The following MYRFL variants were observed in gnomAD, a reference collection of about 807,000 sequenced individuals.
MYRFL encodes the protein myelin regulatory factor like, also known as myelin regulatory factor-like protein.
In MYRFL, 88 loss-of-function variants were observed where a neutral mutation model predicts 109.4. That is an observed-to-expected ratio of 0.80 (90% CI 0.68 to 0.96). The LOEUF (loss-of-function observed/expected upper bound fraction) is 0.96, where lower values mean the gene tolerates loss of function less well. Ranked by LOEUF, MYRFL falls within the 40% of genes least tolerant of loss-of-function variation. The probability of loss-of-function intolerance (pLI) is 0.00; values close to 1 mark genes in which losing one functional copy is unlikely to be tolerated. For synonymous variants in MYRFL, 324 were observed against 320.9 expected, an observed-to-expected ratio of 1.01 and a Z score of -0.10; for missense variants, 957 against 954.9, an observed-to-expected ratio of 1.00 and a Z score of -0.03.
intron 1 of MYRFL, among the ~76,000 whole-genome samples, chr12:69,846,724 G>T (rs1186457815): frequency 6.6e-6 from 1 of 152,032 alleles, no homozygotes; most frequent in African/African-American, 2.4e-5. Flanking sequence ...GTAATGGGAT[G>T]GCTGGGTCAA....
intron 11 of MYRFL, among the ~76,000 whole-genome samples, chr12:69,908,649 C>T (rs1954456361): frequency 6.6e-6 from 1 of 152,172 alleles, no homozygotes; most frequent in Non-Finnish European, 1.5e-5. Flanking sequence ...TGCATAATTC[C>T]ATCATTGTAC....
intron 10 of MYRFL, among the ~76,000 whole-genome samples, chr12:69,899,667 G>A (rs766197860): frequency 2.6e-5 from 4 of 152,190 alleles, no homozygotes; most frequent in Non-Finnish European, 4.4e-5. Context: ...ATTTGGTAAG[G>A]GTGATTGTAT....
chr12:69,952,140 G>C lies in MYRFL; in HGVS notation c.2252G>C (p.Arg751Thr). The change falls in exon 20 of 25, where the codon AGA becomes ACA. Residue 751 changes from arginine to threonine, a missense_variant. Coordinates refer to ENST00000552032, the MANE Select transcript of MYRFL (RefSeq NM_182530.3). ...SEDKSKSVLA[R>T]NALSGPDWES... ...GACAAAAGCAAATCAGTTTTGGCAA[G>C]AAATGCACTCAGCGGCCCTGACTGG... is the stretch of plus-strand genomic sequence containing the variant. 1 of 1,535,976 alleles carries C rather than the reference G, an allele frequency of 6.5e-7. No homozygotes were observed. Among genetic ancestry groups the C allele is most frequent in the East Asian group, 2.4e-5 (1 of 40,920 alleles).
chr12:69,886,702 G>A, intron 5 of MYRFL, 118 bp from the exon 6 acceptor site: 1 of 1,245,716 alleles, frequency 8.0e-7, no homozygotes, highest in Non-Finnish European at 1.1e-6. Context: ...CCCAGCACAT[G>A]ACACTTCCCT....
At chr12:69,909,934 T>C (rs776289955) in intron 11 of MYRFL, 35 bp from the exon 12 acceptor site, 9 of 1,405,472 alleles carry the variant, frequency 6.4e-6, no homozygotes, top group Non-Finnish European at 8.6e-6. Flanking sequence ...CAAATATCTA[T>C]GCGAGTAAAA....
intron 2 of MYRFL, among the ~76,000 whole-genome samples, chr12:69,868,367 C>A (rs1435122548): frequency 2.0e-5 from 3 of 152,062 alleles, no homozygotes; most frequent in African/African-American, 7.2e-5. Context: ...CCCGCCTCGG[C>A]CTCCCAAAGT....
intron 2 of MYRFL, among the ~76,000 whole-genome samples, chr12:69,877,379 T>C (rs1885755428): frequency 6.6e-6 from 1 of 152,174 alleles, no homozygotes; most frequent in African/African-American, 2.4e-5. Context: ...GCTCCACCCT[T>C]AGCCCTGAAT....
chr12:69,834,705 A>G (rs560128477), intron 1 of MYRFL, among the ~76,000 whole-genome samples: 8 of 152,322 alleles, frequency 5.3e-5, no homozygotes, highest in African/African-American at 1.9e-4. Context: ...TTTCAAAGAA[A>G]CACTCCTGTC....
intron 9 of MYRFL, among the ~76,000 whole-genome samples, chr12:69,895,729 T>C (rs576187535): frequency 1.3e-5 from 2 of 152,320 alleles, no homozygotes; most frequent in Admixed American, 6.5e-5. Flanking sequence ...CCTGGCTCGA[T>C]TGCCTCCATG....
At chr12:69,880,344 T>C (rs1885994257) in intron 5 of MYRFL, 52 bp downstream of exon 5, 1 of 686,246 alleles carries the variant, frequency 1.5e-6, no homozygotes, top group African/African-American at 1.8e-5. Flanking sequence ...CCTTGGGCAT[T>C]AAAGCAAGGC....
intron 21 of MYRFL, among the ~76,000 whole-genome samples, chr12:69,953,981 T>C (rs1218683234): frequency 3.9e-5 from 6 of 152,178 alleles, no homozygotes; most frequent in Admixed American, 2.0e-4. Flanking sequence ...ATAACATGTA[T>C]GGTGCTTTAT....
chr12:69,868,362 C>G (rs1885135278), intron 2 of MYRFL, among the ~76,000 whole-genome samples: 1 of 152,204 alleles, frequency 6.6e-6, no homozygotes, highest in African/African-American at 2.4e-5. Flanking sequence ...ATCCACCCGC[C>G]TCGGCCTCCC....
At position 69,932,581 on chromosome 12, in the gene MYRFL, T is replaced by C; in HGVS notation, c.1899T>C (p.Ile633=). ...WVFQTLVITL[I]AVMAFCALTI... ...TCCAGACCTTGGTTATAACTCTGAT[T>C]GCTGTGATGGCATTTTGGTAAGAAA... The change falls in exon 16 of 25, where the codon ATT becomes ATC. Residue 633 remains isoleucine (I), a synonymous_variant. Coordinates refer to ENST00000552032, the MANE Select transcript of MYRFL (RefSeq NM_182530.3). 1.3e-6 allele frequency: 2 copies of C among 1,535,914 alleles called. No individual in the cohort carries two copies. The highest frequency in any genetic ancestry group is 1.2e-5 in the South Asian group (1 of 84,054).
At chr12:69,848,921 G>C (rs903334834) in intron 1 of MYRFL, among the ~76,000 whole-genome samples, 1 of 152,164 alleles carries the variant, frequency 6.6e-6, no homozygotes, top group Non-Finnish European at 1.5e-5. Flanking sequence ...ACCCAGGCTG[G>C]AGTGCAGTGC....
chr12:69,941,756 T>C (rs1239796121), intron 19 of MYRFL, among the ~76,000 whole-genome samples: 3 of 150,306 alleles, frequency 2.0e-5, no homozygotes, highest in African/African-American at 4.9e-5. Context: ...GCTGGTTTTT[T>C]GAAAGGATCA....
intron 12 of MYRFL, 37 bp downstream of exon 12, chr12:69,910,114 C>A: frequency 7.4e-7 from 1 of 1,348,410 alleles, no homozygotes; most frequent in Non-Finnish European, 1.0e-6. Context: ...TTTGTATTGC[C>A]AACTATTAAA....
intron 6 of MYRFL, among the ~76,000 whole-genome samples, chr12:69,889,904 A>T (rs1197878310): frequency 6.6e-6 from 1 of 152,078 alleles, no homozygotes; most frequent in Non-Finnish European, 1.5e-5. Flanking sequence ...TGGGATTTTC[A>T]GATTTGGGAT....
chr12:69,840,550 GC>G, intron 1 of MYRFL, among the ~76,000 whole-genome samples: 1 of 152,274 alleles, frequency 6.6e-6, no homozygotes, highest in African/African-American at 2.4e-5. Flanking sequence ...CCCCTCTCCT[GC>G]CTTAGTGCTG....
chr12:69,947,490 A>G (rs1208508514), intron 19 of MYRFL, among the ~76,000 whole-genome samples: 1 of 152,194 alleles, frequency 6.6e-6, no homozygotes, highest in Non-Finnish European at 1.5e-5. Flanking sequence ...GAAAGTGAGT[A>G]TTTTGGAATA....
Sources: gnomAD v4.1 joint callset for allele counts (sites outside exome capture counted in the v4.1 genomes callset) on GRCh38, gnomAD v4.1.1 for gene constraint, MANE v1.5 for transcripts, NCBI Gene and HGNC (gene_info 2026-07-23, HGNC 2026-07-21) for gene names.